Variants in ITSN2 observed in about 807,000 individuals in gnomAD.
ITSN2 encodes the protein intersectin-2.
A neutral mutation model predicts 243.7 loss-of-function variants in ITSN2; 156 were observed. That is an observed-to-expected ratio of 0.64 (90% confidence interval 0.56 to 0.73). The LOEUF is 0.73. ITSN2 is among the 30% of genes least tolerant of loss of function. The pLI is 0.00. For missense variants in ITSN2, 1,801 were observed against 1,996.1 expected (o/e 0.90, Z 1.86); for synonymous variants, 703 against 699.9 (o/e 1.00, Z -0.07).
At chr2:24,208,164 T>C in intron 37 of ITSN2, 73 bp downstream of exon 37, 3 of 1,253,052 alleles carry the variant, frequency 2.4e-6, no homozygotes, top group Non-Finnish European at 2.3e-6. Context: ...ATCATCAGCC[T>C]GACTGCAGGA....
At chr2:24,328,469 T>A (rs956585680) in intron 1 of ITSN2, among the ~76,000 whole-genome samples, 10 of 145,790 alleles carry the variant, frequency 6.9e-5, no homozygotes, top group African/African-American at 2.5e-4. Context: ...AATCCATACT[T>A]TTTTTTTTTT....
chr2:24,260,989 C>A, intron 22 of ITSN2, 117 bp downstream of exon 22: 7 of 779,874 alleles, frequency 9.0e-6, no homozygotes, highest in East Asian at 3.1e-5. Flanking sequence ...AAGAAAGAAA[C>A]TGAATGCTAC....
chr2:24,208,966 G>T, intron 36 of ITSN2, 134 bp downstream of exon 36: 2 of 923,582 alleles, frequency 2.2e-6, no homozygotes, highest in East Asian at 2.6e-5. Flanking sequence ...CTGGAGCAGA[G>T]GGGATGTGTT....
chr2:24,257,644 A>C (rs1276043605), intron 23 of ITSN2, among the ~76,000 whole-genome samples: 1 of 151,772 alleles, frequency 6.6e-6, no homozygotes, highest in Non-Finnish European at 1.5e-5. Context: ...TTTTGTAGAG[A>C]CAGGGTTTCA....
At chr2:24,263,281 C>T (rs934632641) in intron 20 of ITSN2, among the ~76,000 whole-genome samples, 9 of 152,112 alleles carry the variant, frequency 5.9e-5, no homozygotes, top group African/African-American at 2.2e-4. Context: ...TCACTTAACT[C>T]ACTGAATAAA....
intron 22 of ITSN2, among the ~76,000 whole-genome samples, chr2:24,259,922 G>A (rs1171896842): frequency 6.6e-6 from 1 of 152,064 alleles, no homozygotes; most frequent in African/African-American, 2.4e-5. Context: ...TGAGTTTCTG[G>A]TTTTTAAAAA....
At chr2:24,209,758 T>A in intron 35 of ITSN2, 60 bp downstream of exon 35, 1 of 1,379,296 alleles carries the variant, frequency 7.3e-7, no homozygotes, top group South Asian at 1.2e-5. Flanking sequence ...AGGAAGGCCT[T>A]AAGATAGAGG....
At chr2:24,248,557 A>T in intron 27 of ITSN2, 72 bp downstream of exon 27, 1 of 1,326,146 alleles carries the variant, frequency 7.5e-7, no homozygotes. Context: ...AATTTTTATT[A>T]ATTTTATCTT....
intron 29 of ITSN2, among the ~76,000 whole-genome samples, chr2:24,223,272 C>T (rs1349286676): frequency 6.6e-6 from 1 of 152,180 alleles, no homozygotes; most frequent in African/African-American, 2.4e-5. Flanking sequence ...TCTGGGCTTA[C>T]AGACAGTTCT....
chr2:24,341,804 A>G (rs942289618), intron 1 of ITSN2, among the ~76,000 whole-genome samples: 2 of 152,198 alleles, frequency 1.3e-5, no homozygotes, highest in African/African-American at 4.8e-5. Flanking sequence ...CAGGGAGCCA[A>G]GATCGCACCA....
At chr2:24,315,029 T>C (rs1683737486) in intron 3 of ITSN2, 103 bp downstream of exon 3, 1 of 488,414 alleles carries the variant, frequency 2.0e-6, no homozygotes, top group Non-Finnish European at 3.7e-6. Flanking sequence ...ATATGAATTT[T>C]ATCGTTTATT....
At chr2:24,208,004 T>A (rs556095252) in intron 37 of ITSN2, among the ~76,000 whole-genome samples, 6 of 151,324 alleles carry the variant, frequency 4.0e-5, no homozygotes, top group Admixed American at 2.0e-4. Flanking sequence ...GGGATAGAGG[T>A]GGTGCAGAGA....
At chr2:24,323,331 T>C (rs1684795144) in intron 2 of ITSN2, among the ~76,000 whole-genome samples, 1 of 152,174 alleles carries the variant, frequency 6.6e-6, no homozygotes, top group South Asian at 2.1e-4. Flanking sequence ...ACCCAAATGT[T>C]CTGCACCTGA....
At chr2:24,270,285 G>A (rs1677184746) in intron 20 of ITSN2, among the ~76,000 whole-genome samples, 1 of 152,270 alleles carries the variant, frequency 6.6e-6, no homozygotes, top group Middle Eastern at 3.4e-3. Flanking sequence ...ACACAATAAA[G>A]ACTTTCGTTC....
intron 1 of ITSN2, among the ~76,000 whole-genome samples, chr2:24,350,322 A>C (rs1687912818): frequency 6.6e-6 from 1 of 152,204 alleles, no homozygotes; most frequent in South Asian, 2.1e-4. Context: ...GTAATGGCTC[A>C]CCAATAGTAT....
intron 20 of ITSN2, among the ~76,000 whole-genome samples, chr2:24,267,196 T>TGGACACAGGGAGGGGAACATCACAC (rs1676755112): frequency 1.3e-5 from 2 of 151,092 alleles, no homozygotes; most frequent in Admixed American, 1.3e-4. Flanking sequence ...TGAGAACACA[T>TGGACACAGGGAGGGGAACATCACAC]GGACACAGGG....
intron 9 of ITSN2, 87 bp from the exon 10 acceptor site, chr2:24,302,189 A>T (rs1574227116): frequency 3.7e-6 from 2 of 540,136 alleles, no homozygotes; most frequent in South Asian, 3.9e-5. Context: ...TTTTACTTTT[A>T]TTTATTTATT....
intron 20 of ITSN2, among the ~76,000 whole-genome samples, chr2:24,265,413 AACT>A (rs2151423631): frequency 6.6e-6 from 1 of 152,346 alleles, no homozygotes; most frequent in South Asian, 2.1e-4. Flanking sequence ...TTCTATACAG[AACT>A]ACAACTGATT....
intron 20 of ITSN2, among the ~76,000 whole-genome samples, chr2:24,266,150 T>C (rs1212602299): frequency 1.3e-5 from 2 of 152,220 alleles, no homozygotes; most frequent in African/African-American, 4.8e-5. Flanking sequence ...CCCAATTCTA[T>C]TTGGTTGTTT....
Sources: gnomAD v4.1 joint callset for allele counts (sites outside exome capture counted in the v4.1 genomes callset) on GRCh38, gnomAD v4.1.1 for gene constraint, MANE v1.5 for transcripts, NCBI Gene and HGNC (gene_info 2026-07-23, HGNC 2026-07-21) for gene names.